Variants in LPCAT2 observed in about 807,000 individuals in gnomAD.
LPCAT2 encodes the protein 1-AGP acyltransferase 11.
LPCAT2 carries 58 observed loss-of-function variants against 64.7 expected under a neutral mutation model. The ratio of observed to expected loss-of-function variants is 0.90; its 90% confidence interval spans 0.73 to 1.12. The LOEUF (loss-of-function observed/expected upper bound fraction) is 1.12, where lower values mean the gene tolerates loss of function less well. Ranked by LOEUF, LPCAT2 falls within the 50% of genes most tolerant of loss-of-function variation. The pLI is 0.00. For missense variants in LPCAT2, 579 were observed against 669.8 expected, an observed-to-expected ratio of 0.86 and a Z score of 1.50; for synonymous variants, 252 against 245.3, an observed-to-expected ratio of 1.03 and a Z score of -0.26.
Position 55,585,458 on chromosome 16 carries a change from A to G in LPCAT2, c.*2360A>G, listed in dbSNP as rs1315756598. ...GACTCTGCTTATATGCCTTGCTAAC[A>G]AAGATTTCTTTCACAGAGGCTTTTC... On this transcript the variant is annotated 3_prime_UTR_variant, in exon 14 of 14. Coordinates refer to ENST00000262134, the MANE Select transcript of LPCAT2 (RefSeq NM_017839.5). 6.6e-6 allele frequency: 1 copy of G among 152,224 alleles called. No individual in the cohort carries two copies. Among genetic ancestry groups the G allele is most frequent in the Non-Finnish European group, 1.5e-5 (1 of 68,036 alleles). 9.4% of individuals were successfully genotyped at this position (152,224 alleles called of 1,614,324 possible).
At chr16:55,567,296 C>A (rs757663257) in intron 11 of LPCAT2, 6 of 1,613,572 alleles carry the variant, frequency 3.7e-6, no homozygotes, top group Non-Finnish European at 5.1e-6. Flanking sequence ...CTCTGCAGGC[C>A]GCAGGCTTCC....
chr16:55,556,749 A>G (rs1174323737), intron 11 of LPCAT2, among the ~76,000 whole-genome samples: 1 of 151,628 alleles, frequency 6.6e-6, no homozygotes, highest in Admixed American at 6.6e-5. Context: ...CTCCGTCTCA[A>G]AAAAAAAAGA....
At chr16:55,519,205 A>G (rs750294255) in intron 1 of LPCAT2, among the ~76,000 whole-genome samples, 8 of 152,132 alleles carry the variant, frequency 5.3e-5, no homozygotes, top group Non-Finnish European at 1.2e-4. Flanking sequence ...CCTGCATTCA[A>G]GAAATGGTAA....
At chr16:55,547,164 A>G (rs1261979333) in intron 9 of LPCAT2, among the ~76,000 whole-genome samples, 4 of 152,170 alleles carry the variant, frequency 2.6e-5, no homozygotes, top group Non-Finnish European at 5.9e-5. Context: ...GAAAAAAAAA[A>G]AATTGAGAGA....
intron 11 of LPCAT2, among the ~76,000 whole-genome samples, chr16:55,554,321 T>G (rs1210206311): frequency 2.6e-5 from 4 of 152,216 alleles, no homozygotes; most frequent in African/African-American, 9.7e-5. Context: ...ATCAATTATC[T>G]TAGCTAGATT....
At chr16:55,525,185 C>G (rs1963152092) in intron 1 of LPCAT2, among the ~76,000 whole-genome samples, 1 of 152,066 alleles carries the variant, frequency 6.6e-6, no homozygotes, top group Admixed American at 6.6e-5. Context: ...TACAACTCCT[C>G]CAGGAAGCTT....
chr16:55,515,305 G>A (rs531346955), intron 1 of LPCAT2, among the ~76,000 whole-genome samples: 1 of 152,184 alleles, frequency 6.6e-6, no homozygotes, highest in South Asian at 2.1e-4. Context: ...CTCATCAAGA[G>A]CCACAGAGAC....
At chr16:55,542,078 T>C in intron 8 of LPCAT2, 2 of 764,600 alleles carry the variant, frequency 2.6e-6, no homozygotes, top group Non-Finnish European at 3.5e-6. Flanking sequence ...ATGTGCTTGA[T>C]GTAGTCAAGA....
At chr16:55,519,758 C>G (rs555501363) in intron 1 of LPCAT2, among the ~76,000 whole-genome samples, 1 of 152,118 alleles carries the variant, frequency 6.6e-6, no homozygotes, top group Non-Finnish European at 1.5e-5. Context: ...CATAACAATA[C>G]TGAAAGAGTG....
At chr16:55,581,812 A>G (rs564553785) in intron 13 of LPCAT2, among the ~76,000 whole-genome samples, 1 of 152,220 alleles carries the variant, frequency 6.6e-6, no homozygotes, top group Non-Finnish European at 1.5e-5. Flanking sequence ...AATATTTCAG[A>G]AACTCCAGGT....
chr16:55,526,633 A>G (rs1206923372), intron 2 of LPCAT2, among the ~76,000 whole-genome samples: 1 of 152,184 alleles, frequency 6.6e-6, no homozygotes, highest in Non-Finnish European at 1.5e-5. Flanking sequence ...CTTGCAAATC[A>G]TACTCCTTTG....
chr16:55,531,598 A>G (rs1179661305), intron 4 of LPCAT2, among the ~76,000 whole-genome samples: 1 of 152,190 alleles, frequency 6.6e-6, no homozygotes, highest in East Asian at 1.9e-4. Context: ...AATGTAGCCT[A>G]ATGCACACTT....
rs757768894 is a variant in LPCAT2, at chr16:55,579,186, T to C, written c.1392T>C (p.Pro464=). The part of the protein sequence containing the change: ...STILQASLGV[P]DLDVSGLFKE... ...TTCTACAGGCTTCCCTTGGAGTGCC[T>C]GACCTTGATGTTTCTGGTCTCTTCA... The change falls in exon 13 of 14, where the codon CCT becomes CCC. Residue 464 remains proline (P), a synonymous_variant. Coordinates refer to ENST00000262134, the MANE Select transcript of LPCAT2 (RefSeq NM_017839.5). 10 of 1,613,486 alleles carry C rather than the reference T, an allele frequency of 6.2e-6. No homozygotes were observed. In the East Asian group the frequency reaches 2.0e-4, roughly 32 times the overall value.
chr16:55,519,596 A>G (rs1161841500), intron 1 of LPCAT2, among the ~76,000 whole-genome samples: 1 of 152,112 alleles, frequency 6.6e-6, no homozygotes, highest in East Asian at 1.9e-4. Context: ...TTGGATATAC[A>G]GGAAGGAATG....
chr16:55,543,951 A>G (rs960448474), intron 8 of LPCAT2, among the ~76,000 whole-genome samples: 4 of 152,186 alleles, frequency 2.6e-5, no homozygotes, highest in Non-Finnish European at 4.4e-5. Flanking sequence ...ATTATTCTAT[A>G]ATTCCATACA....
intron 1 of LPCAT2, among the ~76,000 whole-genome samples, chr16:55,517,022 A>C (rs1272784576): frequency 1.3e-5 from 2 of 152,216 alleles, no homozygotes; most frequent in African/African-American, 2.4e-5. Context: ...AATTACTTCT[A>C]AATAACCAGT....
chr16:55,570,277 G>A (rs1963754709), intron 11 of LPCAT2, among the ~76,000 whole-genome samples: 1 of 152,080 alleles, frequency 6.6e-6, no homozygotes, highest in South Asian at 2.1e-4. Context: ...TTTTTGGGTA[G>A]CGGTGCATGT....
intron 12 of LPCAT2, among the ~76,000 whole-genome samples, chr16:55,575,357 C>T (rs1963815928): frequency 6.6e-6 from 1 of 152,130 alleles, no homozygotes; most frequent in Non-Finnish European, 1.5e-5. Flanking sequence ...CTTACAAGTG[C>T]AAAACAAGAG....
intron 12 of LPCAT2, among the ~76,000 whole-genome samples, chr16:55,575,121 T>C (rs1963813259): frequency 6.6e-6 from 1 of 152,200 alleles, no homozygotes; most frequent in Non-Finnish European, 1.5e-5. Context: ...ATTCTGTATG[T>C]CAGTGATATT....
Sources: allele counts gnomAD v4.1 joint callset (sites outside exome capture counted in the v4.1 genomes callset), GRCh38; gene constraint gnomAD v4.1.1; transcripts MANE v1.5; gene names NCBI Gene and HGNC (gene_info 2026-07-23, HGNC 2026-07-21).